The following TFCP2L1 variants were observed in gnomAD, a reference collection of about 807,000 sequenced individuals.
TFCP2L1 encodes transcription factor CP2-like protein 1.
TFCP2L1 carries 12 observed loss-of-function variants against 72.2 expected under a neutral mutation model. The observed-to-expected ratio is 0.17, with a 90% CI of 0.11 to 0.27. The LOEUF is 0.27. TFCP2L1 is among the 10% of genes least tolerant of loss of function. The probability of loss-of-function intolerance (pLI) is 1.00; values close to 1 mark genes in which losing one functional copy is unlikely to be tolerated. For synonymous variants in TFCP2L1, 260 were observed against 251.0 expected, an observed-to-expected ratio of 1.04 and a Z score of -0.34; for missense variants, 488 against 624.6, an observed-to-expected ratio of 0.78 and a Z score of 2.33.
chr2:121,235,378 G>A, intron 10 of TFCP2L1, 67 bp from the exon 11 acceptor site: 1 of 1,402,562 alleles, frequency 7.1e-7, no homozygotes, highest in Non-Finnish European at 1.0e-6. Context: ...TCCCCAACCA[G>A]CTGCAGACCC....
intron 2 of TFCP2L1, among the ~76,000 whole-genome samples, chr2:121,263,030 G>T (rs1176263783): frequency 7.9e-5 from 12 of 151,876 alleles, no homozygotes; most frequent in African/African-American, 2.9e-4. Flanking sequence ...CCATCTCCGG[G>T]GTTCAAGCAA....
chr2:121,268,464 C>T (rs1055100153), intron 2 of TFCP2L1, among the ~76,000 whole-genome samples: 1 of 152,156 alleles, frequency 6.6e-6, no homozygotes. Flanking sequence ...AGCGATCCTC[C>T]TGCCTCAGCC....
chr2:121,262,872 T>C (rs185170493), intron 2 of TFCP2L1, among the ~76,000 whole-genome samples: 52 of 152,320 alleles, frequency 3.4e-4, no homozygotes, highest in Admixed American at 1.4e-3. Context: ...TTAATAACCA[T>C]TTTTTAAATT....
rs1463072467 is a variant in TFCP2L1 at position 121,218,863 on chromosome 2, C to G, written c.*5478G>C. The G allele has an allele frequency of 6.6e-6, 1 of 152,348 alleles. No homozygotes were observed. The highest frequency in any genetic ancestry group is 2.4e-5 in the African/African-American group (1 of 41,434). The allele number at this position is 152,348 out of a possible 1,614,324, so 9.4% of individuals were successfully genotyped here. On this transcript the variant is annotated 3_prime_UTR_variant, in exon 15 of 15. Transcript: ENST00000263707. ...CCAGGAGGAGCTTTTGCAGAAAGGT[C>G]TGGAAGCTAAGTGGGGGTTTCAGGA...
chr2:121,241,041 G>A (rs1298066930), intron 7 of TFCP2L1, among the ~76,000 whole-genome samples: 1 of 152,182 alleles, frequency 6.6e-6, no homozygotes, highest in Admixed American at 6.5e-5. Context: ...ATCCCACCAC[G>A]GCCGGCAGGG....
At chr2:121,282,772 AG>A (rs1468016560) in intron 1 of TFCP2L1, among the ~76,000 whole-genome samples, 9 of 152,308 alleles carry the variant, frequency 5.9e-5, no homozygotes, top group Non-Finnish European at 8.8e-5. Flanking sequence ...GTATAAACAG[AG>A]TCACTGGTAC....
intron 6 of TFCP2L1, among the ~76,000 whole-genome samples, chr2:121,246,474 T>G (rs1044065759): frequency 2.1e-5 from 3 of 144,936 alleles, no homozygotes; most frequent in African/African-American, 7.8e-5. Context: ...TGTGGGCAAC[T>G]GTAATGTGCT....
rs1407326760 is a variant in TFCP2L1 at position 121,223,824 on chromosome 2, G to A, written c.*517C>T. ...GGATGCTCACCAGGGTCACTGAGAA[G>A]GGAAGCAAACCTGAAACAGGAGAAT... is the stretch of plus-strand genomic sequence containing the variant. On this transcript the variant is annotated 3_prime_UTR_variant, in exon 15 of 15. Coordinates refer to ENST00000263707, the MANE Select transcript of TFCP2L1 (RefSeq NM_014553.3). 2.4e-5 allele frequency: 4 copies of A among 163,896 alleles called. No homozygotes were observed. In the East Asian group the frequency reaches 6.9e-4, roughly 28 times the overall value. 10.2% of individuals were successfully genotyped at this position (163,896 alleles called of 1,614,324 possible). A position where few individuals can be genotyped will look rare whatever the true frequency, so the allele number is the denominator to read the frequency against.
chr2:121,285,181 G>A lies in TFCP2L1; in HGVS notation c.-72C>T, dbSNP rs1271181828. On this transcript the variant is annotated 5_prime_UTR_variant, in exon 1 of 15. Coordinates refer to ENST00000263707, the MANE Select transcript of TFCP2L1 (RefSeq NM_014553.3). ...ACGCGGGGCGCGCCGAGGACCCAGC[G>A]GCGGCTTCGCGCTCCGAACCCGCGG... The A allele has an allele frequency of 6.1e-6, 8 of 1,302,448 alleles. No individual in the cohort carries two copies. The highest frequency in any genetic ancestry group is 4.7e-5 in the African/African-American group (3 of 64,200). 80.7% of individuals were successfully genotyped at this position (1,302,448 alleles called of 1,614,324 possible). A position where few individuals can be genotyped will look rare whatever the true frequency, so the allele number is the denominator to read the frequency against.
Position 121,241,646 on chromosome 2 carries a change from A to T in TFCP2L1, c.768+713T>A, listed in dbSNP as rs578181938. On this transcript the variant is annotated intron_variant, in intron 7 of 14. Coordinates refer to ENST00000263707, the MANE Select transcript of TFCP2L1 (RefSeq NM_014553.3). ...AAAATAACAAGTGCTGACACCCTCC[A>T]ACCCCAGAGATCCCACTGAGAATGG... Among the ~76,000 whole-genome samples, 10 of 152,290 alleles carry T rather than the reference A, an allele frequency of 6.6e-5. No individual in the cohort carries two copies. In the East Asian group the frequency reaches 1.9e-3, roughly 29 times the overall value.
chr2:121,232,731 G>A (rs931704840), intron 12 of TFCP2L1, among the ~76,000 whole-genome samples: 1 of 152,118 alleles, frequency 6.6e-6, no homozygotes, highest in Non-Finnish European at 1.5e-5. Context: ...TCCCCTGCCC[G>A]CAACACAAAC....
intron 2 of TFCP2L1, among the ~76,000 whole-genome samples, chr2:121,265,720 A>C: frequency 6.6e-6 from 1 of 151,908 alleles, no homozygotes; most frequent in East Asian, 1.9e-4. Context: ...CTGACCTCAG[A>C]AGATCCGCCT....
At chr2:121,269,772 G>A (rs1201400642) in intron 2 of TFCP2L1, among the ~76,000 whole-genome samples, 2 of 151,846 alleles carry the variant, frequency 1.3e-5, no homozygotes, top group Non-Finnish European at 2.9e-5. Flanking sequence ...AGCCAGGCGT[G>A]GTAGTGGACA....
intron 1 of TFCP2L1, among the ~76,000 whole-genome samples, chr2:121,282,255 G>A (rs1459000813): frequency 6.7e-6 from 1 of 148,614 alleles, no homozygotes; most frequent in Non-Finnish European, 1.5e-5. Flanking sequence ...TTATCCAAGT[G>A]GGAAATCTTG....
At chr2:121,242,746 C>A (rs1686404660) in intron 6 of TFCP2L1, among the ~76,000 whole-genome samples, 1 of 152,134 alleles carries the variant, frequency 6.6e-6, no homozygotes, top group Admixed American at 6.5e-5. Flanking sequence ...ACAAGGAATC[C>A]CAGTGCATTC....
chr2:121,267,714 C>T (rs552094529), intron 2 of TFCP2L1, among the ~76,000 whole-genome samples: 13 of 152,190 alleles, frequency 8.5e-5, no homozygotes, highest in African/African-American at 2.9e-4. Flanking sequence ...AGGATGGTCT[C>T]GAATTCCTGA....
At chr2:121,256,295 G>C (rs1222555200) in intron 2 of TFCP2L1, among the ~76,000 whole-genome samples, 1 of 152,194 alleles carries the variant, frequency 6.6e-6, no homozygotes, top group Non-Finnish European at 1.5e-5. Context: ...GCACACTAAA[G>C]CCATGTGGTT....
At position 121,231,972 on chromosome 2, in the gene TFCP2L1, G is replaced by C. The variant is rs372269609; in HGVS notation, c.1199-4C>G. On this transcript the variant is annotated splice_region_variant and splice_polypyrimidine_tract_variant and intron_variant, in intron 12 of 14. Coordinates refer to ENST00000263707, the MANE Select transcript of TFCP2L1 (RefSeq NM_014553.3). ...TCCAGGAAGATGGCGTGGTACACTG[G>C]GGGAAGGAGGAGCAAGTGCTGCTTT... 10 of 1,581,328 alleles carry C rather than the reference G, an allele frequency of 6.3e-6. No individual in the cohort carries two copies. The East Asian group carries it at 1.8e-4, about 29-fold the overall frequency.
intron 2 of TFCP2L1, among the ~76,000 whole-genome samples, chr2:121,271,213 A>C (rs918942674): frequency 2.7e-5 from 4 of 149,694 alleles, no homozygotes; most frequent in African/African-American, 9.9e-5. Flanking sequence ...AAAAAAAAAA[A>C]CAAAAAAGCA....
Sources: gnomAD v4.1 joint callset for allele counts (sites outside exome capture counted in the v4.1 genomes callset) on GRCh38, gnomAD v4.1.1 for gene constraint, MANE v1.5 for transcripts, NCBI Gene and HGNC (gene_info 2026-07-23, HGNC 2026-07-21) for gene names.